CSMD1: variants seen among roughly 807,000 people sequenced by gnomAD.
The protein encoded by CSMD1 is CUB and Sushi multiple domains 1.
CSMD1 carries 213 observed loss-of-function variants against 417.5 expected under a neutral mutation model. The observed-to-expected ratio is 0.51, with a 90% CI of 0.46 to 0.57. CSMD1 has a LOEUF of 0.57. Ranked by LOEUF, CSMD1 falls within the 20% of genes least tolerant of loss-of-function variation. The probability of loss-of-function intolerance (pLI) is 0.00; values close to 1 mark genes in which losing one functional copy is unlikely to be tolerated. For missense variants in CSMD1, 6,923 were observed against 4,529.7 expected (o/e 1.53, Z -15.17); for synonymous variants, 2,862 against 1,736.8 (o/e 1.65, Z -16.11).
At chr8:3,273,471 C>G (rs183252002) in intron 26 of CSMD1, among the ~76,000 whole-genome samples, 41,680 of 141,242 alleles carry the variant, frequency 0.3, 5,933 homozygotes, top group African/African-American at 0.36. Context: ...AGGATTCCCT[C>G]TTTTTCTATT....
At chr8:4,183,926 T>TA (rs1287651938) in intron 3 of CSMD1, among the ~76,000 whole-genome samples, 1 of 152,120 alleles carries the variant, frequency 6.6e-6, no homozygotes, top group African/African-American at 2.4e-5. Flanking sequence ...TACCACATGA[T>TA]AGTCTGGGAA....
chr8:3,900,216 G>T (rs1035061628), intron 5 of CSMD1, among the ~76,000 whole-genome samples: 2 of 151,898 alleles, frequency 1.3e-5, no homozygotes, highest in African/African-American at 4.8e-5. Context: ...CAGTGGAGCT[G>T]GGTGACAGTG....
rs116129344 is a variant in CSMD1 at position 3,548,725 on chromosome 8, G to C, written c.1344+26220C>G. Among the ~76,000 whole-genome samples, 207 of 147,356 alleles carry C rather than the reference G, an allele frequency of 1.4e-3. 1 individual carries two copies. The highest frequency in any genetic ancestry group is 4.9e-3 in the African/African-American group (194 of 39,520). ...ACCATGGTTTCTTTTTCCACTCATT[G>C]ATTGATAGGAATTTGGGTTGTTTCT... On this transcript the variant is annotated intron_variant, in intron 10 of 69. Transcript: ENST00000635120.
rs544984010 is a variant in CSMD1 at position 4,421,112 on chromosome 8, A to G, written c.303-1047T>C. Among the ~76,000 whole-genome samples the G allele has an allele frequency of 9.9e-5, 15 of 151,864 alleles. No homozygotes were observed. The South Asian group carries it at 3.1e-3, about 32-fold the overall frequency. On this transcript the variant is annotated intron_variant, in intron 2 of 69. Coordinates refer to ENST00000635120, the MANE Select transcript of CSMD1 (RefSeq NM_033225.6). ...AACAACTTTCAGACAGTGCATTCAC[A>G]TGAAGGAGTAAATGACTGATGAATG...
chr8:4,084,342 AAAC>A (rs1473267098), intron 3 of CSMD1, among the ~76,000 whole-genome samples: 2 of 152,072 alleles, frequency 1.3e-5, no homozygotes, highest in African/African-American at 4.8e-5. Flanking sequence ...AGAAAAAAAA[AAAC>A]AAACTACAAC....
intron 11 of CSMD1, among the ~76,000 whole-genome samples, chr8:3,493,065 G>C (rs996152838): frequency 6.6e-6 from 1 of 152,028 alleles, no homozygotes; most frequent in Non-Finnish European, 1.5e-5. Context: ...AGGCTGAAGT[G>C]GGCAAATCAC....
At chr8:3,807,469 G>A (rs1423516320) in intron 5 of CSMD1, among the ~76,000 whole-genome samples, 1 of 152,162 alleles carries the variant, frequency 6.6e-6, no homozygotes, top group East Asian at 1.9e-4. Flanking sequence ...CACTGAGCCA[G>A]AAATGTCAAG....
chr8:4,923,780 T>A (rs1806661851), intron 1 of CSMD1, among the ~76,000 whole-genome samples: 1 of 152,168 alleles, frequency 6.6e-6, no homozygotes, highest in Admixed American at 6.5e-5. Context: ...TCTCCAAGAT[T>A]CAGTGTCCCA....
chr8:4,052,665 G>C (rs17068773), intron 3 of CSMD1, among the ~76,000 whole-genome samples: 17,517 of 152,056 alleles, frequency 0.12, 1,539 homozygotes, highest in East Asian at 0.35. Context: ...CTGATAGAAG[G>C]AATCATCCCA....
intron 49 of CSMD1, among the ~76,000 whole-genome samples, chr8:3,062,385 T>C (rs1347337871): frequency 3.3e-5 from 5 of 152,058 alleles, no homozygotes; most frequent in African/African-American, 1.2e-4. Flanking sequence ...GTGTAGGTGG[T>C]GCGATGTCGG....
intron 54 of CSMD1, among the ~76,000 whole-genome samples, chr8:2,991,696 T>C (rs1317534368): frequency 6.6e-6 from 1 of 152,196 alleles, no homozygotes; most frequent in Non-Finnish European, 1.5e-5. Context: ...GTCACTGAAG[T>C]ATTCAAACGT....
chr8:3,102,765 C>T (rs1254936552), intron 46 of CSMD1, among the ~76,000 whole-genome samples: 1 of 152,014 alleles, frequency 6.6e-6, no homozygotes, highest in Non-Finnish European at 1.5e-5. Context: ...CGGAGTGTTT[C>T]CGTTAAATAT....
intron 51 of CSMD1, among the ~76,000 whole-genome samples, chr8:3,020,712 TCAGA>T (rs1338415415): frequency 1.3e-5 from 2 of 152,132 alleles, no homozygotes; most frequent in Non-Finnish European, 1.5e-5. Context: ...TCTCAAATGT[TCAGA>T]CAGAGACACC....
At chr8:4,774,140 C>T (rs1796732007) in intron 1 of CSMD1, among the ~76,000 whole-genome samples, 1 of 152,172 alleles carries the variant, frequency 6.6e-6, no homozygotes, top group South Asian at 2.1e-4. Context: ...GTGGAGGTGG[C>T]AGTGAGCCAA....
intron 4 of CSMD1, among the ~76,000 whole-genome samples, chr8:4,027,754 GAAAT>G (rs544690535): frequency 6.6e-6 from 1 of 152,118 alleles, no homozygotes. Context: ...TTTGAGAAGG[GAAAT>G]AAATAACTAA....
At chr8:3,940,817 A>G (rs1810828327) in intron 5 of CSMD1, among the ~76,000 whole-genome samples, 1 of 151,916 alleles carries the variant, frequency 6.6e-6, no homozygotes. Context: ...CAAATATCTT[A>G]AAAACCACAA....
chr8:4,940,065 G>C (rs56302705), intron 1 of CSMD1, among the ~76,000 whole-genome samples: 35,599 of 151,998 alleles, frequency 0.23, 4,310 homozygotes, highest in East Asian at 0.38. Context: ...GCTGAGGTAG[G>C]AGAACCGGGC....
intron 52 of CSMD1, among the ~76,000 whole-genome samples, chr8:3,010,247 C>T (rs1808278923): frequency 1.3e-5 from 2 of 152,128 alleles, no homozygotes; most frequent in Admixed American, 1.3e-4. Flanking sequence ...TTTAAAACAC[C>T]CAGACTCCTA....
chr8:3,939,822 G>A (rs972636977), intron 5 of CSMD1, among the ~76,000 whole-genome samples: 3 of 152,072 alleles, frequency 2.0e-5, no homozygotes, highest in Non-Finnish European at 4.4e-5. Context: ...ATGAGGATGC[G>A]AAGGCATAAT....
Sources: gnomAD v4.1 joint callset for allele counts (sites outside exome capture counted in the v4.1 genomes callset) on GRCh38, gnomAD v4.1.1 for gene constraint, MANE v1.5 for transcripts, NCBI Gene and HGNC (gene_info 2026-07-23, HGNC 2026-07-21) for gene names.